The following ADAM12 variants were observed in gnomAD, a reference collection of about 807,000 sequenced individuals.
ADAM12 encodes disintegrin and metalloproteinase domain-containing protein 12.
Under a neutral mutation model 106.4 loss-of-function variants are expected in ADAM12, and 70 were observed. The ratio of observed to expected loss-of-function variants is 0.66; its 90% CI spans 0.54 to 0.80. The LOEUF is 0.80. ADAM12 is among the 30% of genes least tolerant of loss of function. The pLI is 0.00. For synonymous variants in ADAM12, 420 were observed against 433.5 expected (o/e 0.97, Z 0.39); for missense variants, 1,010 against 1,171.9 (o/e 0.86, Z 2.02).
chr10:126,136,890 C>A (rs1046683145), intron 4 of ADAM12, among the ~76,000 whole-genome samples: 2 of 152,098 alleles, frequency 1.3e-5, no homozygotes, highest in African/African-American at 4.8e-5. Context: ...TAATACTCTG[C>A]CTGTTATTAC....
intron 4 of ADAM12, 97 bp from the exon 5 acceptor site, chr10:126,135,757 C>G (rs1956393832): frequency 4.7e-6 from 5 of 1,064,596 alleles, no homozygotes; most frequent in Non-Finnish European, 5.7e-6. Flanking sequence ...ATAGAATTTT[C>G]CATTGCATAA....
chr10:126,237,456 C>T (rs1958440876), intron 3 of ADAM12, among the ~76,000 whole-genome samples: 1 of 152,158 alleles, frequency 6.6e-6, no homozygotes, highest in South Asian at 2.1e-4. Context: ...GCACCCGCTC[C>T]CCCTTCCTCT....
At chr10:126,132,536 T>G (rs1278326) in intron 5 of ADAM12, among the ~76,000 whole-genome samples, 8 of 91,178 alleles carry the variant, frequency 8.8e-5, no homozygotes, top group East Asian at 8.4e-4. Context: ...CCCCCCCCCC[T>G]CAACTAGTCC....
chr10:126,082,052 T>A (rs1955229133), intron 11 of ADAM12, among the ~76,000 whole-genome samples: 1 of 152,244 alleles, frequency 6.6e-6, no homozygotes, highest in Non-Finnish European at 1.5e-5. Flanking sequence ...AAACAGCCTG[T>A]TCCATTCTGG....
intron 1 of ADAM12, among the ~76,000 whole-genome samples, chr10:126,384,658 T>C (rs7901239): frequency 0.7 from 106,336 of 151,972 alleles, 37,464 homozygotes; most frequent in African/African-American, 0.76. Context: ...TGATAGTTCT[T>C]CCAGAAAGTG....
At chr10:126,381,624 T>A (rs1856496167) in intron 1 of ADAM12, among the ~76,000 whole-genome samples, 1 of 151,906 alleles carries the variant, frequency 6.6e-6, no homozygotes, top group Non-Finnish European at 1.5e-5. Context: ...GCCTCTGGAG[T>A]AGCTGGGATT....
rs1954430241 is a variant in ADAM12, at chr10:126,049,813, CA to C, written c.1610-145del. On this transcript the variant is annotated intron_variant, in intron 14 of 22. Transcript: ENST00000448723. This position sits in a 1 kb window ranked among gnomAD's most constrained non-coding sequence, Gnocchi z 4.4. ...GTCCCGACTCATGGTGGGAGCTGGCCAGGGGAAGCCTAGGGTGTCAGCAGCT... is the reference window on the plus strand; with the variant it reads ...GTCCCGACTCATGGTGGGAGCTGGCCGGGGAAGCCTAGGGTGTCAGCAGCT... 4 of 725,564 alleles carry C rather than the reference CA, an allele frequency of 5.5e-6. No individual in the cohort carries two copies. Among genetic ancestry groups the C allele is most frequent in the Non-Finnish European group, 9.0e-6 (4 of 445,382 alleles). The allele number at this position is 725,564 out of a possible 1,614,324, so 44.9% of individuals were successfully genotyped here.
chr10:126,144,491 A>T (rs916551623), intron 4 of ADAM12, among the ~76,000 whole-genome samples: 6 of 152,160 alleles, frequency 3.9e-5, no homozygotes, highest in African/African-American at 1.4e-4. Flanking sequence ...TGAACGAATG[A>T]ATGAATGGAT....
chr10:126,239,146 G>A (rs1170888671), intron 3 of ADAM12, among the ~76,000 whole-genome samples: 1 of 152,208 alleles, frequency 6.6e-6, no homozygotes, highest in Non-Finnish European at 1.5e-5. Flanking sequence ...AATAATGCCA[G>A]TGTTAAAGAT....
chr10:126,044,020 C>T (rs1385776890), intron 17 of ADAM12, among the ~76,000 whole-genome samples: 1 of 152,178 alleles, frequency 6.6e-6, no homozygotes, highest in African/African-American at 2.4e-5. Context: ...GGCGGCCACT[C>T]CCAAGCCTGT....
intron 3 of ADAM12, among the ~76,000 whole-genome samples, chr10:126,260,028 T>C (rs1205210188): frequency 6.6e-6 from 1 of 152,180 alleles, no homozygotes; most frequent in African/African-American, 2.4e-5. Flanking sequence ...GAGGTGACAG[T>C]ACTGCCTGCA....
At chr10:126,022,657 C>G (rs1321631549) in intron 21 of ADAM12, among the ~76,000 whole-genome samples, 5 of 152,236 alleles carry the variant, frequency 3.3e-5, no homozygotes, top group African/African-American at 1.2e-4. Flanking sequence ...AAACCTAAAC[C>G]TGAACCTCTC....
chr10:126,130,768 G>C (rs1329745600), intron 5 of ADAM12, among the ~76,000 whole-genome samples: 1 of 152,238 alleles, frequency 6.6e-6, no homozygotes, highest in Non-Finnish European at 1.5e-5. Flanking sequence ...GGTTGTGACT[G>C]AGTGGCAAGG....
chr10:126,202,120 TCA>T (rs936350016), intron 3 of ADAM12, among the ~76,000 whole-genome samples: 1 of 152,234 alleles, frequency 6.6e-6, no homozygotes, highest in African/African-American at 2.4e-5. Flanking sequence ...TCCAAACATC[TCA>T]GTCGATTCTT....
chr10:126,036,027 A>G, intron 21 of ADAM12, 119 bp downstream of exon 21: 1 of 903,886 alleles, frequency 1.1e-6, no homozygotes, highest in South Asian at 4.5e-5. Flanking sequence ...TGAGTAGCTG[A>G]ATTATCTCCA....
intron 2 of ADAM12, among the ~76,000 whole-genome samples, chr10:126,310,324 C>A (rs1318163017): frequency 2.6e-5 from 4 of 151,928 alleles, no homozygotes; most frequent in African/African-American, 7.3e-5. Context: ...GTAGAGTGGT[C>A]AAAGGGGTCG....
intron 2 of ADAM12, among the ~76,000 whole-genome samples, chr10:126,287,147 T>C (rs996988001): frequency 1.9e-4 from 29 of 152,228 alleles, no homozygotes; most frequent in South Asian, 6.2e-4. Flanking sequence ...ACTTTAGCTA[T>C]AGCCAGAGCA....
At chr10:126,344,013 C>T (rs1411301490) in intron 1 of ADAM12, among the ~76,000 whole-genome samples, 4 of 152,176 alleles carry the variant, frequency 2.6e-5, no homozygotes, top group Admixed American at 2.6e-4. Context: ...TGTGCAGAAG[C>T]TCTTTAGTTT....
At position 126,064,403 on chromosome 10, in the gene ADAM12, T is replaced by C. The variant is rs574193115; in HGVS notation, c.1609+403A>G. On this transcript the variant is annotated intron_variant, in intron 14 of 22. Coordinates refer to ENST00000448723, the MANE Select transcript of ADAM12 (RefSeq NM_001288973.2). This position sits in a 1 kb window ranked among gnomAD's most constrained non-coding sequence, Gnocchi z 4.4. ...AGTTCTGTCTGTCTGTCCAACTACG[T>C]GCTATGCTATCTGAGGGCAGGAGTC... is the stretch of plus-strand genomic sequence containing the variant. 6.6e-6 allele frequency among the ~76,000 whole-genome samples: 1 copy of C among 152,280 alleles called. No individual in the cohort carries two copies. Among genetic ancestry groups the C allele is most frequent in the African/African-American group, 2.4e-5 (1 of 41,554 alleles).
Sources: allele counts gnomAD v4.1 joint callset (sites outside exome capture counted in the v4.1 genomes callset), GRCh38; gene constraint gnomAD v4.1.1; non-coding constraint Gnocchi (gnomAD v3.1); transcripts MANE v1.5; gene names NCBI Gene and HGNC (gene_info 2026-07-23, HGNC 2026-07-21).